The following ST3GAL3 variants were observed in gnomAD, a reference collection of about 807,000 sequenced individuals.
The protein encoded by ST3GAL3 is CMP-N-acetylneuraminate-beta-1,4-galactoside alpha-2,3-sialyltransferase.
A neutral mutation model predicts 50.1 loss-of-function variants in ST3GAL3; 21 were observed. The observed-to-expected ratio is 0.42, with a 90% CI of 0.30 to 0.60. ST3GAL3 has a LOEUF of 0.60. ST3GAL3 is among the 20% of genes least tolerant of loss of function. ST3GAL3 has a pLI of 0.19. For synonymous variants in ST3GAL3, 183 were observed against 190.0 expected, an observed-to-expected ratio of 0.96 and a Z score of 0.30; for missense variants, 353 against 489.4, an observed-to-expected ratio of 0.72 and a Z score of 2.63.
chr1:43,882,939 TTTTATTTATTTA>T (rs899079997), intron 5 of ST3GAL3, among the ~76,000 whole-genome samples: 6 of 114,638 alleles, frequency 5.2e-5, no homozygotes, highest in African/African-American at 1.5e-4. Context: ...GTGCCCATTC[TTTTATTTATTTA>T]TTTATTTATT....
At chr1:43,786,726 C>T (rs1332629264) in intron 2 of ST3GAL3, among the ~76,000 whole-genome samples, 1 of 152,200 alleles carries the variant, frequency 6.6e-6, no homozygotes, top group African/African-American at 2.4e-5. Context: ...TTACTCACCA[C>T]TGTATTTTCA....
chr1:43,723,011 TC>T (rs1671197886), intron 1 of ST3GAL3, among the ~76,000 whole-genome samples: 1 of 152,018 alleles, frequency 6.6e-6, no homozygotes, highest in African/African-American at 2.4e-5. Context: ...TGGGGGCGGA[TC>T]CCTCATGAAC....
At chr1:43,921,908 A>G in intron 11 of ST3GAL3, 1 of 397,492 alleles carries the variant, frequency 2.5e-6, no homozygotes, top group South Asian at 1.4e-4. Context: ...GGCCAATTCC[A>G]GTGGACACAA....
chr1:43,724,641 CAA>C (rs1039781318), intron 1 of ST3GAL3, among the ~76,000 whole-genome samples: 4 of 152,002 alleles, frequency 2.6e-5, no homozygotes, highest in Non-Finnish European at 5.9e-5. Context: ...GAAAAAGAGA[CAA>C]GATGTTTTCT....
chr1:43,833,005 A>G (rs973298977), intron 4 of ST3GAL3, among the ~76,000 whole-genome samples: 18 of 152,182 alleles, frequency 1.2e-4, no homozygotes, highest in African/African-American at 2.9e-4. Context: ...TGCTGCCTAC[A>G]TGGTCTTCTT....
chr1:43,744,654 A>G (rs977189418), intron 2 of ST3GAL3, among the ~76,000 whole-genome samples: 3 of 142,102 alleles, frequency 2.1e-5, no homozygotes, highest in Non-Finnish European at 3.0e-5. Flanking sequence ...CTCCCTCTCA[A>G]AAAATAAATA....
chr1:43,775,711 C>G (rs1696958512), intron 2 of ST3GAL3, among the ~76,000 whole-genome samples: 1 of 151,948 alleles, frequency 6.6e-6, no homozygotes, highest in Non-Finnish European at 1.5e-5. Flanking sequence ...TAAGGAAGTT[C>G]CCTTTTTCTT....
chr1:43,924,451 C>G (rs953874923), intron 11 of ST3GAL3, among the ~76,000 whole-genome samples: 2 of 152,218 alleles, frequency 1.3e-5, no homozygotes, highest in African/African-American at 4.8e-5. Context: ...GAGCCATAGA[C>G]GTGGGCGATG....
Position 43,759,062 on chromosome 1 carries a change from C to T in ST3GAL3, c.118+22682C>T, listed in dbSNP as rs561663606. On this transcript the variant is annotated intron_variant, in intron 2 of 11. Transcript: ENST00000347631. ...GTCTCCTAAAAAACAAACAAAAGCG[C>T]GCGCACACACACACACACACACACA... Among the ~76,000 whole-genome samples the T allele has an allele frequency of 1.4e-3, 129 of 91,684 alleles. No individual in the cohort carries two copies. The Middle Eastern group carries it at 0.014, about 10-fold the overall frequency. 60.1% of individuals were successfully genotyped at this position (91,684 alleles called of 152,430 possible). A position where few individuals can be genotyped will look rare whatever the true frequency, so the allele number is the denominator to read the frequency against.
At chr1:43,812,973 G>A (rs142122581) in intron 3 of ST3GAL3, among the ~76,000 whole-genome samples, 130 of 152,250 alleles carry the variant, frequency 8.5e-4, no homozygotes, top group African/African-American at 2.9e-3. Flanking sequence ...AAAATATATG[G>A]GAGGAAAAAC....
chr1:43,878,163 G>A (rs1358326446), intron 5 of ST3GAL3, among the ~76,000 whole-genome samples: 1 of 152,116 alleles, frequency 6.6e-6, no homozygotes, highest in Non-Finnish European at 1.5e-5. Context: ...CATCTCTCCA[G>A]TCTTGACCTG....
At chr1:43,749,599 A>G (rs1236179849) in intron 2 of ST3GAL3, among the ~76,000 whole-genome samples, 1 of 152,214 alleles carries the variant, frequency 6.6e-6, no homozygotes, top group Admixed American at 6.5e-5. Context: ...ATGAACAACA[A>G]AAAGAAACTG....
At chr1:43,900,122 G>A (rs1309761974) in intron 9 of ST3GAL3, among the ~76,000 whole-genome samples, 1 of 152,106 alleles carries the variant, frequency 6.6e-6, no homozygotes, top group Non-Finnish European at 1.5e-5. Flanking sequence ...TGACCTTGTA[G>A]CTGCCTCCCT....
At chr1:43,746,908 A>C (rs1683967160) in intron 2 of ST3GAL3, among the ~76,000 whole-genome samples, 1 of 151,816 alleles carries the variant, frequency 6.6e-6, no homozygotes, top group East Asian at 2.0e-4. Flanking sequence ...TACTACAGGC[A>C]TGTGCTACCA....
At chr1:43,928,901 C>T (rs1194938033) in intron 11 of ST3GAL3, among the ~76,000 whole-genome samples, 6 of 152,132 alleles carry the variant, frequency 3.9e-5, no homozygotes, top group African/African-American at 1.4e-4. Flanking sequence ...AAGAGCGAAA[C>T]TCTGTCTCAA....
At chr1:43,735,832 T>A (rs1282690219) in intron 1 of ST3GAL3, among the ~76,000 whole-genome samples, 1 of 152,222 alleles carries the variant, frequency 6.6e-6, no homozygotes, top group Non-Finnish European at 1.5e-5. Flanking sequence ...TTAAAAGACT[T>A]CTTGTGCCAT....
chr1:43,766,736 G>T (rs576927020), intron 2 of ST3GAL3, among the ~76,000 whole-genome samples: 1 of 152,230 alleles, frequency 6.6e-6, no homozygotes, highest in African/African-American at 2.4e-5. Flanking sequence ...AAGACCTGGT[G>T]GAAAAGTAGT....
chr1:43,756,100 C>CAAAAAAA (rs139101819), intron 2 of ST3GAL3, among the ~76,000 whole-genome samples: 1,060 of 71,974 alleles, frequency 0.015, 79 homozygotes, highest in African/African-American at 0.074. Flanking sequence ...GAACCAGTCT[C>CAAAAAAA]AAAAAAAAAA....
chr1:43,837,875 T>C (rs1183296796), intron 4 of ST3GAL3, among the ~76,000 whole-genome samples: 2 of 152,196 alleles, frequency 1.3e-5, no homozygotes, highest in Admixed American at 1.3e-4. Flanking sequence ...GACTTATTTA[T>C]CTATCTATTC....
Sources: allele counts gnomAD v4.1 joint callset (sites outside exome capture counted in the v4.1 genomes callset), GRCh38; gene constraint gnomAD v4.1.1; transcripts MANE v1.5; gene names NCBI Gene and HGNC (gene_info 2026-07-23, HGNC 2026-07-21).